SP4: variants seen among roughly 807,000 people sequenced by gnomAD.
SP4 encodes the protein transcription factor Sp4.
A neutral mutation model predicts 72.8 loss-of-function variants in SP4; 19 were observed. The observed-to-expected ratio is 0.26, with a 90% confidence interval of 0.18 to 0.38. The LOEUF (loss-of-function observed/expected upper bound fraction) is 0.38. Ranked by LOEUF, SP4 falls within the 10% of genes least tolerant of loss-of-function variation. The pLI is 1.00. For synonymous variants in SP4, 395 were observed against 333.1 expected (o/e 1.19, Z -2.02); for missense variants, 1,008 against 926.3 (o/e 1.09, Z -1.14).
chr7:21,499,505 A>G (rs1453982245), intron 5 of SP4, among the ~76,000 whole-genome samples: 1 of 152,202 alleles, frequency 6.6e-6, no homozygotes, highest in Non-Finnish European at 1.5e-5. Context: ...CTACAAACCA[A>G]GGAATGCCAA....
In SP4 at chr7:21,445,160, C is replaced by T. The variant is rs1583388610; in HGVS notation, c.1678+14317C>T. On this transcript the variant is annotated intron_variant, in intron 3 of 5. Coordinates refer to ENST00000222584, the MANE Select transcript of SP4 (RefSeq NM_003112.5). ...TATAAGCGCAATAAGAGTATGTATT[C>T]TTTTTTCCCTTTCTTTTATTTTTTG... Among the ~76,000 whole-genome samples the T allele has an allele frequency of 2.0e-5, 3 of 152,040 alleles. No individual in the cohort carries two copies. The East Asian group carries it at 5.8e-4, about 29-fold the overall frequency.
At chr7:21,466,474 A>G (rs896691271) in intron 3 of SP4, among the ~76,000 whole-genome samples, 2 of 152,184 alleles carry the variant, frequency 1.3e-5, no homozygotes, top group Non-Finnish European at 2.9e-5. Context: ...TCCTCAAAGG[A>G]AGAAACTGCA....
intron 3 of SP4, among the ~76,000 whole-genome samples, chr7:21,474,276 A>G (rs1018884468): frequency 2.6e-5 from 4 of 152,206 alleles, no homozygotes; most frequent in Non-Finnish European, 4.4e-5. Context: ...AATGACTGTT[A>G]TATAAATGTT....
rs1271682250 is a variant in SP4, at chr7:21,442,660, C to G, written c.1678+11817C>G. 1.3e-5 allele frequency among the ~76,000 whole-genome samples: 2 copies of G among 152,096 alleles called. 1 individual carries two copies. The highest frequency in any genetic ancestry group is 4.1e-4 in the South Asian group (2 of 4,822). ...CTCAAAGGATGACTAAAAAGTTTAC[C>G]ATATCAGAAGGAAGAAAAGGGCCAC... On this transcript the variant is annotated intron_variant, in intron 3 of 5. Coordinates refer to ENST00000222584, the MANE Select transcript of SP4 (RefSeq NM_003112.5).
Position 21,501,923 on chromosome 7 carries a change from C to A in SP4, c.2108-9099C>A, listed in dbSNP as rs187037527. On this transcript the variant is annotated intron_variant, in intron 5 of 5. Coordinates refer to ENST00000222584, the MANE Select transcript of SP4 (RefSeq NM_003112.5). Reference sequence around the variant, plus strand: ...GATGTCCCGAGTATAATCGATGAATCTCTGTTGATTATAATAGATGTAGTT... The same window carrying A: ...GATGTCCCGAGTATAATCGATGAATATCTGTTGATTATAATAGATGTAGTT... 2.5e-3 allele frequency among the ~76,000 whole-genome samples: 385 copies of A among 151,794 alleles called. 4 individuals carry two copies. The highest frequency in any genetic ancestry group is 7.8e-4 in the East Asian group (4 of 5,134).
intron 5 of SP4, among the ~76,000 whole-genome samples, chr7:21,489,984 A>G (rs1397290633): frequency 6.6e-6 from 1 of 152,232 alleles, no homozygotes; most frequent in Admixed American, 6.5e-5. Context: ...TTTAATTAGT[A>G]TGTGAAACAT....
At chr7:21,490,605 A>G (rs556476801) in intron 5 of SP4, among the ~76,000 whole-genome samples, 103 of 152,314 alleles carry the variant, frequency 6.8e-4, no homozygotes, top group African/African-American at 2.4e-3. Context: ...AGGTGAGACA[A>G]CTGGAGGTTG....
At chr7:21,490,256 G>A (rs560352077) in intron 5 of SP4, among the ~76,000 whole-genome samples, 23 of 152,160 alleles carry the variant, frequency 1.5e-4, no homozygotes, top group Middle Eastern at 6.8e-3. Flanking sequence ...TTAACCCTGC[G>A]GGCACTGCAT....
At chr7:21,431,895 C>T (rs558267963) in intron 3 of SP4, among the ~76,000 whole-genome samples, 122 of 152,116 alleles carry the variant, frequency 8.0e-4, no homozygotes, top group Admixed American at 2.6e-3. Context: ...AGAAAAATTA[C>T]GCTAGGGTTC....
chr7:21,445,384 A>G (rs890195431), intron 3 of SP4, among the ~76,000 whole-genome samples: 2 of 152,176 alleles, frequency 1.3e-5, no homozygotes, highest in Non-Finnish European at 2.9e-5. Context: ...AAGAATTAGT[A>G]TATGTGTAGA....
intron 3 of SP4, among the ~76,000 whole-genome samples, chr7:21,442,300 T>TA (rs1411473035): frequency 6.6e-6 from 1 of 152,008 alleles, no homozygotes; most frequent in African/African-American, 2.4e-5. Flanking sequence ...TCAGCCTTCC[T>TA]AAATGCTGGG....
intron 5 of SP4, among the ~76,000 whole-genome samples, chr7:21,502,042 C>CG (rs1171927805): frequency 7.2e-5 from 3 of 41,810 alleles, no homozygotes; most frequent in East Asian, 7.3e-4. Context: ...CATTAGGCAC[C>CG]CCCCCCCCCC....
chr7:21,442,498 A>G (rs1173532141), intron 3 of SP4, among the ~76,000 whole-genome samples: 2 of 152,186 alleles, frequency 1.3e-5, no homozygotes, highest in Admixed American at 6.5e-5. Context: ...CATATAGCTA[A>G]TTAAATTACT....
Position 21,512,455 on chromosome 7 carries a change from T to C in SP4, c.*1186T>C, listed in dbSNP as rs1402057804. On this transcript the variant is annotated 3_prime_UTR_variant, in exon 6 of 6. Coordinates refer to ENST00000222584, the MANE Select transcript of SP4 (RefSeq NM_003112.5). ...AGCCTAATATATAATAGATATATTA[T>C]GAAGCAAAACTTTTATTTTTGAAAA... is the stretch of plus-strand genomic sequence containing the variant. 1 of 152,066 alleles carries C rather than the reference T, an allele frequency of 6.6e-6. No homozygotes were observed. Among genetic ancestry groups the C allele is most frequent in the East Asian group, 1.9e-4 (1 of 5,190 alleles). The allele number at this position is 152,066 out of a possible 1,614,324, so 9.4% of individuals were successfully genotyped here.
At chr7:21,441,190 A>G (rs1004688033) in intron 3 of SP4, among the ~76,000 whole-genome samples, 2 of 152,186 alleles carry the variant, frequency 1.3e-5, no homozygotes, top group African/African-American at 4.8e-5. Flanking sequence ...TAGGCCTTAA[A>G]GATTGGTTTG....
At chr7:21,498,379 C>CT (rs1364381988) in intron 5 of SP4, among the ~76,000 whole-genome samples, 1 of 152,076 alleles carries the variant, frequency 6.6e-6, no homozygotes, top group Non-Finnish European at 1.5e-5. Flanking sequence ...GGGACCAATC[C>CT]TAGTGTATAC....
In SP4 at chr7:21,477,064, T is replaced by C. The variant is rs202050346; in HGVS notation, c.1679-15T>C. 68 of 1,596,510 alleles carry C rather than the reference T, an allele frequency of 4.3e-5. No individual in the cohort carries two copies. In the East Asian group the frequency reaches 8.7e-4, roughly 20 times the overall value. On this transcript the variant is annotated splice_polypyrimidine_tract_variant and intron_variant, in intron 3 of 5. Coordinates refer to ENST00000222584, the MANE Select transcript of SP4 (RefSeq NM_003112.5). Reference sequence around the variant, plus strand: ...AGAAAACATTACAATACTTCTTTTTTTTCTTCCTTTTTAGGTCAGCAGCAA... The same window carrying C: ...AGAAAACATTACAATACTTCTTTTTCTTCTTCCTTTTTAGGTCAGCAGCAA...
intron 3 of SP4, among the ~76,000 whole-genome samples, chr7:21,476,161 C>G (rs992813750): frequency 6.7e-6 from 1 of 150,288 alleles, no homozygotes; most frequent in Non-Finnish European, 1.5e-5. Flanking sequence ...GTCATCCCAG[C>G]TACTAGGGAG....
At chr7:21,444,749 T>G (rs1783370047) in intron 3 of SP4, among the ~76,000 whole-genome samples, 2 of 152,204 alleles carry the variant, frequency 1.3e-5, no homozygotes, top group Non-Finnish European at 2.9e-5. Flanking sequence ...ACCAAGGCTA[T>G]CAGAGGTTAA....
Sources: allele counts gnomAD v4.1 joint callset (sites outside exome capture counted in the v4.1 genomes callset), GRCh38; gene constraint gnomAD v4.1.1; transcripts MANE v1.5; gene names NCBI Gene and HGNC (gene_info 2026-07-23, HGNC 2026-07-21).